Variants in MARCHF6 observed in about 807,000 individuals in gnomAD.
MARCHF6 encodes membrane associated ring-CH-type finger 6.
In MARCHF6, 31 loss-of-function variants were observed where a neutral mutation model predicts 133.7. That is an observed-to-expected ratio of 0.23 (90% CI 0.17 to 0.31). The LOEUF is 0.31. Ranked by LOEUF, MARCHF6 falls within the 10% of genes least tolerant of loss-of-function variation. MARCHF6 has a pLI of 1.00. For missense variants in MARCHF6, 723 were observed against 1,121.6 expected, an observed-to-expected ratio of 0.64 and a Z score of 5.08; for synonymous variants, 395 against 402.5, an observed-to-expected ratio of 0.98 and a Z score of 0.22.
intron 15 of MARCHF6, among the ~76,000 whole-genome samples, chr5:10,404,076 T>TTTATTTAC (rs1455930593): frequency 2.7e-3 from 366 of 136,306 alleles, no homozygotes; most frequent in Non-Finnish European, 4.3e-3. Flanking sequence ...TATTTATTTA[T>TTTATTTAC]TTACTTATTT....
At position 10,414,464 on chromosome 5, in the gene MARCHF6, C is replaced by T. The variant is rs748846877; in HGVS notation, c.1928C>T (p.Thr643Ile). 1.2e-6 allele frequency: 2 copies of T among 1,613,482 alleles called. No homozygotes were observed. Among genetic ancestry groups the T allele is most frequent in the Non-Finnish European group, 1.7e-6 (2 of 1,179,666 alleles). The change falls in exon 20 of 26, where the codon ACA becomes ATA. Residue 643 changes from threonine (T) to isoleucine (I), a missense_variant. Thr to Ile is a moderately conservative substitution (Grantham distance 89, BLOSUM62 -1). This residue lies in a region of MARCHF6 where 492 missense variants were observed against 699.5 expected (regional missense o/e 0.70). Transcript: ENST00000274140. ...IFLLIVFMCI[T>I]LLIASLICLT... ...CTGTTGATTGTCTTCATGTGTATAA[C>T]ATTACTGATTGCCAGCCTCATCTGC... is the stretch of plus-strand genomic sequence containing the variant.
intron 10 of MARCHF6, among the ~76,000 whole-genome samples, chr5:10,400,229 TGAAA>T (rs577466214): frequency 1.5e-3 from 226 of 152,326 alleles, no homozygotes; most frequent in African/African-American, 5.2e-3. Context: ...CTGACTTTTC[TGAAA>T]GAAGAAGAAA....
chr5:10,420,698 A>G (rs972149918), intron 22 of MARCHF6, among the ~76,000 whole-genome samples: 8 of 152,356 alleles, frequency 5.3e-5, no homozygotes, highest in African/African-American at 1.9e-4. Flanking sequence ...AGACAAAAGC[A>G]AGACCCTCTG....
At chr5:10,396,669 G>A (rs748682390) in intron 9 of MARCHF6, among the ~76,000 whole-genome samples, 1 of 152,168 alleles carries the variant, frequency 6.6e-6, no homozygotes, top group Non-Finnish European at 1.5e-5. Flanking sequence ...TAGCTAAGGT[G>A]TGTGTAACAT....
intron 4 of MARCHF6, among the ~76,000 whole-genome samples, chr5:10,385,478 A>C (rs775805411): frequency 1.3e-5 from 2 of 152,192 alleles, no homozygotes; most frequent in Non-Finnish European, 2.9e-5. Flanking sequence ...AATTAAATAC[A>C]TCTGTAATCA....
rs1347513493 is a variant in MARCHF6 at position 10,439,885 on chromosome 5, C to T, written c.*6201C>T. 1 of 152,458 alleles carries T rather than the reference C, an allele frequency of 6.6e-6. No homozygotes were observed. Among genetic ancestry groups the T allele is most frequent in the Non-Finnish European group, 1.5e-5 (1 of 68,140 alleles). The allele number at this position is 152,458 out of a possible 1,614,324, so 9.4% of individuals were successfully genotyped here. On this transcript the variant is annotated 3_prime_UTR_variant, in exon 26 of 26. Transcript: ENST00000274140. ...CTCCCTGCCTCCAAAACAGGTCAGG[C>T]CTTCGTGCCTTTGCACTTACTATTT...
chr5:10,421,035 G>T (rs1739796561), intron 22 of MARCHF6, among the ~76,000 whole-genome samples: 1 of 152,116 alleles, frequency 6.6e-6, no homozygotes, highest in Non-Finnish European at 1.5e-5. Context: ...CTCCCTTGCT[G>T]CAATGAGTAA....
At chr5:10,372,278 A>G (rs1291828523) in intron 1 of MARCHF6, among the ~76,000 whole-genome samples, 2 of 151,998 alleles carry the variant, frequency 1.3e-5, no homozygotes, top group African/African-American at 4.8e-5. Context: ...AAAGATCTTT[A>G]TTTTTTTATC....
chr5:10,376,786 G>C (rs1736809222), intron 1 of MARCHF6, among the ~76,000 whole-genome samples: 1 of 152,190 alleles, frequency 6.6e-6, no homozygotes, highest in South Asian at 2.1e-4. Flanking sequence ...CTCGGCATGT[G>C]CTCACTTGAA....
At chr5:10,370,383 G>A (rs1736398441) in intron 1 of MARCHF6, among the ~76,000 whole-genome samples, 2 of 152,074 alleles carry the variant, frequency 1.3e-5, no homozygotes, top group Non-Finnish European at 2.9e-5. Context: ...GATTACAAGT[G>A]TGAGCTGCCA....
chr5:10,378,915 G>A (rs770472724), intron 3 of MARCHF6, 83 bp downstream of exon 3: 1 of 835,040 alleles, frequency 1.2e-6, no homozygotes, highest in Non-Finnish European at 1.9e-6. Flanking sequence ...AGTTGACAGA[G>A]GAAGGGGGAT....
At chr5:10,417,192 G>A (rs2126800338) in intron 21 of MARCHF6, 78 bp from the exon 22 acceptor site, 1 of 1,537,114 alleles carries the variant, frequency 6.5e-7, no homozygotes, top group Non-Finnish European at 8.8e-7. Flanking sequence ...TTAGGCATCA[G>A]TCTCAAACCT....
chr5:10,432,552 T>C (rs1034281528), intron 25 of MARCHF6, among the ~76,000 whole-genome samples: 2 of 152,236 alleles, frequency 1.3e-5, no homozygotes, highest in African/African-American at 4.8e-5. Flanking sequence ...TCTGCTCACA[T>C]TAAGTAAGGC....
intron 19 of MARCHF6, among the ~76,000 whole-genome samples, chr5:10,412,508 A>C (rs769583930): frequency 6.6e-6 from 1 of 152,218 alleles, no homozygotes; most frequent in African/African-American, 2.4e-5. Context: ...TGGGAAGGGC[A>C]TTCCAGGAAT....
intron 16 of MARCHF6, among the ~76,000 whole-genome samples, chr5:10,406,497 G>C (rs1337582045): frequency 6.6e-6 from 1 of 150,580 alleles, no homozygotes; most frequent in African/African-American, 2.4e-5. Flanking sequence ...TCAAGCAATT[G>C]TTGTGACTCA....
rs181125657 is a variant in MARCHF6, at chr5:10,436,827, A to G, written c.*3143A>G. The G allele has an allele frequency of 4.0e-4, 61 of 152,370 alleles. No homozygotes were observed. The highest frequency in any genetic ancestry group is 1.2e-3 in the African/African-American group (51 of 41,594). 9.4% of individuals were successfully genotyped at this position (152,370 alleles called of 1,614,324 possible). A position where few individuals can be genotyped will look rare whatever the true frequency, so the allele number is the denominator to read the frequency against. ...TTTTCCCCCTCTTAGTACTCTGGAG[A>G]AACAATGAAGATGGGCCATCTCAAT... On this transcript the variant is annotated 3_prime_UTR_variant, in exon 26 of 26. Transcript: ENST00000274140.
intron 25 of MARCHF6, among the ~76,000 whole-genome samples, chr5:10,430,641 G>A (rs1740318428): frequency 6.6e-6 from 1 of 152,064 alleles, no homozygotes; most frequent in Non-Finnish European, 1.5e-5. Flanking sequence ...TAGTTTTTCA[G>A]TCTGTTTTCA....
At chr5:10,364,143 A>C (rs1579520895) in intron 1 of MARCHF6, among the ~76,000 whole-genome samples, 1 of 152,266 alleles carries the variant, frequency 6.6e-6, no homozygotes, top group Non-Finnish European at 1.5e-5. Context: ...ATATCATTAC[A>C]TACCTATTAG....
chr5:10,405,001 TAGGC>T (rs750761294), intron 15 of MARCHF6, among the ~76,000 whole-genome samples: 1 of 152,212 alleles, frequency 6.6e-6, no homozygotes, highest in Non-Finnish European at 1.5e-5. Flanking sequence ...ATGTGGAACT[TAGGC>T]AGAACCTTAG....
Sources: gnomAD v4.1 joint callset for allele counts (sites outside exome capture counted in the v4.1 genomes callset) on GRCh38, gnomAD v4.1.1 for gene constraint, gnomAD v4.1.1 regional missense constraint, MANE v1.5 for transcripts, NCBI Gene and HGNC (gene_info 2026-07-23, HGNC 2026-07-21) for gene names.